PCSK9: variants seen among roughly 807,000 people sequenced by gnomAD.
The protein encoded by PCSK9 is convertase subtilisin/kexin type 9 preproprotein.
A neutral mutation model predicts 62.1 loss-of-function variants in PCSK9; 57 were observed. That is an observed-to-expected ratio of 0.92 (90% CI 0.74 to 1.14). The LOEUF is 1.14. Among genes scored for constraint, PCSK9 ranks in the 50% most tolerant of loss-of-function variants. The pLI, the probability that PCSK9 is intolerant of heterozygous loss-of-function variation, is 0.00. For synonymous variants in PCSK9, 387 were observed against 409.4 expected (o/e 0.95, Z 0.66); for missense variants, 870 against 959.8 (o/e 0.91, Z 1.24).
Position 55,051,227 on chromosome 1 carries a change from G to C in PCSK9, c.524-1051G>C, listed in dbSNP as rs1345402574. 3 of 456,194 alleles carry C rather than the reference G, an allele frequency of 6.6e-6. No homozygotes were observed. In the Admixed American group the frequency reaches 7.0e-5, roughly 11 times the overall value. The allele number at this position is 456,194 out of a possible 1,614,324, so 28.3% of individuals were successfully genotyped here. A position where few individuals can be genotyped will look rare whatever the true frequency, so the allele number is the denominator to read the frequency against. On this transcript the variant is annotated intron_variant, in intron 3 of 11. Transcript: ENST00000302118. ...GGATCACTGCGGGGGCCACAGAGGT[G>C]CTGTTCAGATGGCACTTCAGAAGAC...
chr1:55,063,293 G>A (rs1224827869), intron 11 of PCSK9, 76 bp from the exon 12 acceptor site: 55 of 1,486,434 alleles, frequency 3.7e-5, no homozygotes, highest in Non-Finnish European at 4.8e-5. Context: ...GAAGGATGTC[G>A]GAGGGAGAAA....
At chr1:55,042,476 T>C (rs1644604328) in intron 1 of PCSK9, among the ~76,000 whole-genome samples, 1 of 152,220 alleles carries the variant, frequency 6.6e-6, no homozygotes, top group Non-Finnish European at 1.5e-5. Flanking sequence ...CATTACTGCC[T>C]TTCTAAAATC....
chr1:55,041,077 A>C (rs1365498532), intron 1 of PCSK9, among the ~76,000 whole-genome samples: 2 of 152,196 alleles, frequency 1.3e-5, no homozygotes, highest in Admixed American at 6.5e-5. Context: ...GGAGGTGACA[A>C]TCGTCCCTAC....
intron 2 of PCSK9, among the ~76,000 whole-genome samples, chr1:55,046,185 G>A (rs1644633232): frequency 6.6e-6 from 1 of 152,238 alleles, no homozygotes; most frequent in African/African-American, 2.4e-5. Context: ...TTTAGGCATG[G>A]AGTCCAGGGC....
At chr1:55,060,507 G>C (rs953081335) in intron 10 of PCSK9, among the ~76,000 whole-genome samples, 3 of 152,210 alleles carry the variant, frequency 2.0e-5, no homozygotes, top group Non-Finnish European at 2.9e-5. Context: ...CAGGAAAGAT[G>C]AGCATAGTCA....
At chr1:55,044,084 G>A (rs771641933) in intron 2 of PCSK9, 50 bp downstream of exon 2, 3 of 1,593,738 alleles carry the variant, frequency 1.9e-6, no homozygotes, top group Non-Finnish European at 2.6e-6. Context: ...CTGGGCCACT[G>A]CATATACACT....
Position 55,048,737 on chromosome 1 carries a change from A to G in PCSK9, c.523+2091A>G, listed in dbSNP as rs536224897. Among the ~76,000 whole-genome samples the G allele has an allele frequency of 3.3e-5, 5 of 152,326 alleles. No homozygotes were observed. In the South Asian group the frequency reaches 1.0e-3, roughly 32 times the overall value. On this transcript the variant is annotated intron_variant, in intron 3 of 11. Coordinates refer to ENST00000302118, the MANE Select transcript of PCSK9 (RefSeq NM_174936.4). The stretch of plus-strand genomic sequence containing the variant: ...TGCACTCTTAACTGTGTGACCTTGC[A>G]TACGTCACTCACCCTCTCTGATCTT...
Position 55,057,442 on chromosome 1 carries a change from G to A in PCSK9, c.1108G>A (p.Gly370Ser). 1 of 1,614,064 alleles carries A rather than the reference G, an allele frequency of 6.2e-7. No homozygotes were observed. Among genetic ancestry groups the A allele is most frequent in the South Asian group, 1.1e-5 (1 of 91,082 alleles). ...DLFAPGEDII[G>S]ASSDCSTCFV... The stretch of plus-strand genomic sequence containing the variant: ...CTTTGCCCCAGGGGAGGACATCATT[G>A]GTGCCTCCAGCGACTGCAGCACCTG... The change falls in exon 7 of 12, where the codon GGT becomes AGT. Residue 370 changes from glycine (G) to serine (S), a missense_variant. Physicochemically the swap from Gly to Ser is moderately conservative, Grantham distance 56 (BLOSUM62 0). Coordinates refer to ENST00000302118, the MANE Select transcript of PCSK9 (RefSeq NM_174936.4).
At chr1:55,049,186 A>G (rs1223368348) in intron 3 of PCSK9, among the ~76,000 whole-genome samples, 3 of 152,224 alleles carry the variant, frequency 2.0e-5, no homozygotes, top group African/African-American at 4.8e-5. Context: ...CTACGGGGGC[A>G]TTATTAACCA....
In PCSK9 at chr1:55,039,711, G is replaced by T; in HGVS notation, c.-127G>T. 2 of 1,169,060 alleles carry T rather than the reference G, an allele frequency of 1.7e-6. No homozygotes were observed. Among genetic ancestry groups the T allele is most frequent in the Non-Finnish European group, 2.4e-6 (2 of 827,274 alleles). 72.4% of individuals were successfully genotyped at this position (1,169,060 alleles called of 1,614,324 possible). A position where few individuals can be genotyped will look rare whatever the true frequency, so the allele number is the denominator to read the frequency against. ...GCCAGGATTCCGCGCGCCCCTTCAC[G>T]CGCCCTGCTCCTGAACTTCAGCTCC... On this transcript the variant is annotated 5_prime_UTR_variant, in exon 1 of 12. Coordinates refer to ENST00000302118, the MANE Select transcript of PCSK9 (RefSeq NM_174936.4).
chr1:55,054,846 C>A (rs1644700502), intron 5 of PCSK9, among the ~76,000 whole-genome samples: 1 of 152,058 alleles, frequency 6.6e-6, no homozygotes, highest in African/African-American at 2.4e-5. Flanking sequence ...TCTACTAAAA[C>A]TACAAAAAAT....
rs1261496250 is a variant in PCSK9, at chr1:55,063,391, G to A, written c.1886G>A (p.Gly629Asp). ...CAGGTGACCGTGGCCTGCGAGGAGG[G>A]CTGGACCCTGACTGGCTGCAGTGCC... is the stretch of plus-strand genomic sequence containing the variant. ...QEQVTVACEEGWTLTGCSALP... is the reference protein window; with the variant it reads ...QEQVTVACEEDWTLTGCSALP... The change falls in exon 12 of 12, where the codon GGC (glycine) becomes GAC (aspartate). Residue 629 changes from glycine (G) to aspartate (D), a missense_variant. Coordinates refer to ENST00000302118, the MANE Select transcript of PCSK9 (RefSeq NM_174936.4). The A allele has an allele frequency of 1.4e-5, 22 of 1,613,808 alleles. No individual in the cohort carries two copies. The East Asian group carries it at 4.5e-4, about 33-fold the overall frequency.
chr1:55,055,009 GAA>G (rs11302533), intron 5 of PCSK9, among the ~76,000 whole-genome samples: 5,214 of 141,402 alleles, frequency 0.037, 193 homozygotes, highest in African/African-American at 0.1. Flanking sequence ...CGTCTGGAAA[GAA>G]AAAAAAAAAA....
rs751649334 is a variant in PCSK9, at chr1:55,059,510, C to T, written c.1528C>T (p.Arg510Trp). 8.9e-6 allele frequency: 14 copies of T among 1,566,268 alleles called. No homozygotes were observed. Among genetic ancestry groups the T allele is most frequent in the South Asian group, 2.3e-5 (2 of 85,138 alleles). ...MEAQGGKLVC[R>W]AHNAFGGEGV... Reference sequence around the variant, plus strand: ...GGCCCAAGGGGGCAAGCTGGTCTGCCGGGCCCACAACGCTTTTGGGGGTGA... The same window carrying T: ...GGCCCAAGGGGGCAAGCTGGTCTGCTGGGCCCACAACGCTTTTGGGGGTGA... Residue 510 changes from arginine to tryptophan, a missense_variant, in exon 10 of 12, where the codon CGG becomes TGG. Transcript: ENST00000302118.
At chr1:55,058,231 G>A (rs2100324361) in intron 8 of PCSK9, 22 bp downstream of exon 8, 1 of 1,607,926 alleles carries the variant, frequency 6.2e-7, no homozygotes, top group Non-Finnish European at 8.5e-7. Context: ...GGCAGGGTGG[G>A]CAAGTCCAGG....
At chr1:55,043,547 C>A (rs1291277240) in intron 1 of PCSK9, among the ~76,000 whole-genome samples, 1 of 152,208 alleles carries the variant, frequency 6.6e-6, no homozygotes, top group Non-Finnish European at 1.5e-5. Context: ...AGCGACCAGG[C>A]CCGTAGAGAG....
At chr1:55,055,277 T>G (rs1041003695) in intron 5 of PCSK9, among the ~76,000 whole-genome samples, 2 of 152,056 alleles carry the variant, frequency 1.3e-5, no homozygotes, top group Non-Finnish European at 2.9e-5. Flanking sequence ...GTCCAACACT[T>G]GCGGCCACGG....
rs368297335 is a variant in PCSK9 at position 55,063,849 on chromosome 1, C to T, written c.*265C>T. 7.3e-4 allele frequency: 403 copies of T among 553,258 alleles called. 6 individuals are homozygous for T. In the South Asian group the frequency reaches 8.7e-3, roughly 12 times the overall value. 34.3% of individuals were successfully genotyped at this position (553,258 alleles called of 1,614,324 possible). A position where few individuals can be genotyped will look rare whatever the true frequency, so the allele number is the denominator to read the frequency against. ...GGGGCATTTCACCATTCAAACAGGT[C>T]GAGCTGTGCTCGGGTGCTGCCAGCT... is the stretch of plus-strand genomic sequence containing the variant. On this transcript the variant is annotated 3_prime_UTR_variant, in exon 12 of 12. Coordinates refer to ENST00000302118, the MANE Select transcript of PCSK9 (RefSeq NM_174936.4).
At position 55,039,827 on chromosome 1, in the gene PCSK9, C is replaced by T. The variant is rs1298619732; in HGVS notation, c.-11C>T. Reference sequence around the variant, plus strand: ...CTCCTCGCCAGGACAGCAACCTCTCCCCTGGCCCTCATGGGCACCGTCAGC... The same window carrying T: ...CTCCTCGCCAGGACAGCAACCTCTCTCCTGGCCCTCATGGGCACCGTCAGC... On this transcript the variant is annotated 5_prime_UTR_variant, in exon 1 of 12. Transcript: ENST00000302118. The T allele has an allele frequency of 7.7e-6, 12 of 1,567,144 alleles. No homozygotes were observed. The highest frequency in any genetic ancestry group is 1.0e-5 in the Non-Finnish European group (12 of 1,157,174).
Sources: gnomAD v4.1 joint callset for allele counts (sites outside exome capture counted in the v4.1 genomes callset) on GRCh38, gnomAD v4.1.1 for gene constraint, MANE v1.5 for transcripts, NCBI Gene and HGNC (gene_info 2026-07-23, HGNC 2026-07-21) for gene names.